The following CNBD1 variants were observed in gnomAD, a reference collection of about 807,000 sequenced individuals.
CNBD1 encodes cyclic nucleotide binding domain containing 1.
Under a neutral mutation model 54.4 loss-of-function variants are expected in CNBD1, and 71 were observed. The observed-to-expected ratio is 1.30, with a 90% CI of 1.08 to 1.59. The LOEUF is 1.59. Among genes scored for constraint, CNBD1 ranks in the 40% most tolerant of loss-of-function variants. The probability of loss-of-function intolerance (pLI) is 0.00; values close to 1 mark genes in which losing one functional copy is unlikely to be tolerated. For missense variants in CNBD1, 659 were observed against 518.0 expected (o/e 1.27, Z -2.64); for synonymous variants, 182 against 170.7 (o/e 1.07, Z -0.51).
chr8:87,352,097 A>G (rs1013715328), intron 9 of CNBD1, among the ~76,000 whole-genome samples: 2 of 152,180 alleles, frequency 1.3e-5, no homozygotes, highest in Non-Finnish European at 2.9e-5. Context: ...AACATACCAG[A>G]TTGGCTAAGA....
intron 2 of CNBD1, among the ~76,000 whole-genome samples, chr8:87,416,963 G>C (rs557292003): frequency 1.5e-4 from 23 of 151,988 alleles, no homozygotes; most frequent in Admixed American, 3.3e-4. Flanking sequence ...TGTATCTGAG[G>C]TTCAATATAA....
downstream of CNBD1, among the ~76,000 whole-genome samples, chr8:87,385,458 C>T (rs1278621549): frequency 1.3e-5 from 2 of 152,122 alleles, no homozygotes; most frequent in Non-Finnish European, 2.9e-5. Context: ...AAATGGCACA[C>T]CAGGAGATTA....
intron 6 of CNBD1, among the ~76,000 whole-genome samples, chr8:87,279,688 ATATGCT>A (rs1393147329): frequency 6.6e-6 from 1 of 151,250 alleles, no homozygotes; most frequent in Non-Finnish European, 1.5e-5. Context: ...ATACAAGTAA[ATATGCT>A]TATGTTTTAT....
At chr8:87,301,680 C>G (rs1051572314) in intron 8 of CNBD1, among the ~76,000 whole-genome samples, 2 of 151,848 alleles carry the variant, frequency 1.3e-5, no homozygotes, top group African/African-American at 2.4e-5. Context: ...AAAAACCCTT[C>G]AAAAAATCAA....
At chr8:87,004,871 G>A (rs1809064252) in intron 4 of CNBD1, among the ~76,000 whole-genome samples, 1 of 152,076 alleles carries the variant, frequency 6.6e-6, no homozygotes, top group Non-Finnish European at 1.5e-5. Context: ...ACCATTCATT[G>A]TTGAACTTTG....
chr8:86,976,187 C>CTTTTTTTTTT (rs71277906), intron 4 of CNBD1, among the ~76,000 whole-genome samples: 8 of 83,472 alleles, frequency 9.6e-5, no homozygotes, highest in African/African-American at 2.4e-4. Flanking sequence ...GTGCATTGAC[C>CTTTTTTTTTT]TTTTTTTTTT....
chr8:86,889,797 G>T (rs1808739039), intron 2 of CNBD1, among the ~76,000 whole-genome samples: 1 of 151,964 alleles, frequency 6.6e-6, no homozygotes, highest in Admixed American at 6.6e-5. Flanking sequence ...TTGACATTTG[G>T]CATAGAGTTC....
rs926760670 is a variant in CNBD1 at position 86,903,745 on chromosome 8, G to A, written c.159-1336G>A. 2.0e-5 allele frequency among the ~76,000 whole-genome samples: 3 copies of A among 152,014 alleles called. No individual in the cohort carries two copies. The East Asian group carries it at 5.8e-4, about 29-fold the overall frequency. On this transcript the variant is annotated intron_variant, in intron 2 of 10. Coordinates refer to ENST00000518476, the MANE Select transcript of CNBD1 (RefSeq NM_173538.3). ...AAGTATATTGTCAGGTTATATAAAT[G>A]TGCAATAATACAAAACAGTGTAAAA...
intron 3 of CNBD1, among the ~76,000 whole-genome samples, chr8:86,937,517 C>T (rs946880093): frequency 6.6e-6 from 1 of 152,168 alleles, no homozygotes; most frequent in African/African-American, 2.4e-5. Context: ...AAGGCAGGTC[C>T]CTTCTGCCTA....
chr8:87,047,429 C>T (rs1483631970), intron 4 of CNBD1, among the ~76,000 whole-genome samples: 1 of 152,136 alleles, frequency 6.6e-6, no homozygotes. Context: ...AGGGAAAACC[C>T]AGCAATTAGT....
chr8:87,113,705 G>A (rs903871790), intron 4 of CNBD1, among the ~76,000 whole-genome samples: 2 of 152,242 alleles, frequency 1.3e-5, no homozygotes, highest in East Asian at 1.9e-4. Context: ...GGATCATGAG[G>A]TCAGGAGATC....
chr8:87,349,621 C>T (rs191871375), intron 8 of CNBD1, among the ~76,000 whole-genome samples: 51 of 152,278 alleles, frequency 3.3e-4, no homozygotes, highest in Admixed American at 2.8e-3. Context: ...ATGATCTGCC[C>T]GCCTCGGCCT....
chr8:87,213,622 C>T (rs1354536709), intron 5 of CNBD1, among the ~76,000 whole-genome samples: 1 of 152,130 alleles, frequency 6.6e-6, no homozygotes, highest in East Asian at 1.9e-4. Flanking sequence ...GTCCCTCCCA[C>T]AACACATGGG....
intron 4 of CNBD1, among the ~76,000 whole-genome samples, chr8:86,949,964 T>TG: frequency 7.7e-6 from 1 of 130,478 alleles, no homozygotes; most frequent in Non-Finnish European, 1.6e-5. Context: ...TTTTTTTTTT[T>TG]TTTTTTTTTT....
At chr8:86,937,923 G>C (rs1035085093) in intron 3 of CNBD1, among the ~76,000 whole-genome samples, 13 of 152,106 alleles carry the variant, frequency 8.5e-5, no homozygotes, top group Non-Finnish European at 1.3e-4. Context: ...GCATTTTCAG[G>C]CTGCAAATTT....
At position 87,281,184 on chromosome 8, in the gene CNBD1, CAT is replaced by C. The variant is rs199748495; in HGVS notation, c.772-3493_772-3492del. ...TATTTTTAAAGGTATCAAAACAACA[CAT>C]GTATGGAAGATAACTCAGCATTCTG... is the stretch of plus-strand genomic sequence containing the variant. On this transcript the variant is annotated intron_variant, in intron 6 of 10. Transcript: ENST00000518476. 7.3e-3 allele frequency among the ~76,000 whole-genome samples: 1,102 copies of C among 151,656 alleles called. 13 individuals carry two copies. Among genetic ancestry groups the C allele is most frequent in the African/African-American group, 0.025 (1,041 of 41,480 alleles).
intron 5 of CNBD1, among the ~76,000 whole-genome samples, chr8:87,222,942 T>C (rs1428782183): frequency 6.6e-6 from 1 of 152,152 alleles, no homozygotes; most frequent in Admixed American, 6.5e-5. Context: ...ATAAATACTT[T>C]TATGAAACTT....
intron 8 of CNBD1, among the ~76,000 whole-genome samples, chr8:87,307,748 T>TAATTATATATA (rs1554577847): frequency 7.2e-6 from 1 of 138,050 alleles, no homozygotes; most frequent in South Asian, 2.2e-4. Flanking sequence ...AAAAAAAAAA[T>TAATTATATATA]TATATATATA....
At chr8:87,001,130 A>G (rs1433992719) in intron 4 of CNBD1, among the ~76,000 whole-genome samples, 1 of 151,546 alleles carries the variant, frequency 6.6e-6, no homozygotes, top group Non-Finnish European at 1.5e-5. Context: ...TTTTTTCTTA[A>G]GCCTTTCATG....
Sources: allele counts gnomAD v4.1 joint callset (sites outside exome capture counted in the v4.1 genomes callset), GRCh38; gene constraint gnomAD v4.1.1; transcripts MANE v1.5; gene names NCBI Gene and HGNC (gene_info 2026-07-23, HGNC 2026-07-21).